Variants in GRIA4 observed in about 807,000 individuals in gnomAD.
The protein encoded by GRIA4 is glutamate ionotropic receptor AMPA type subunit 4, also known as glutamate receptor 4.
A neutral mutation model predicts 104.0 loss-of-function variants in GRIA4; 34 were observed. The observed-to-expected ratio is 0.33, with a 90% CI of 0.25 to 0.44. GRIA4 has a LOEUF of 0.44. Among genes scored for constraint, GRIA4 ranks in the 20% least tolerant of loss-of-function variants. The pLI is 1.00. For missense variants in GRIA4, 750 were observed against 1,096.5 expected (o/e 0.68, Z 4.46); for synonymous variants, 386 against 381.9 (o/e 1.01, Z -0.13).
chr11:105,849,526 G>C (rs1333124517), intron 4 of GRIA4, among the ~76,000 whole-genome samples: 1 of 152,188 alleles, frequency 6.6e-6, no homozygotes, highest in Non-Finnish European at 1.5e-5. Flanking sequence ...AATTGGAGTG[G>C]TCAATTTGGC....
At chr11:105,875,357 A>T (rs915676389) in intron 5 of GRIA4, among the ~76,000 whole-genome samples, 1 of 152,098 alleles carries the variant, frequency 6.6e-6, no homozygotes, top group Non-Finnish European at 1.5e-5. Flanking sequence ...TTCATCAGGG[A>T]TATTGGCCTG....
intron 4 of GRIA4, among the ~76,000 whole-genome samples, chr11:105,772,278 C>T (rs745765633): frequency 4.1e-4 from 63 of 152,242 alleles, no homozygotes; most frequent in Non-Finnish European, 7.9e-4. Flanking sequence ...GCTGGAAGTG[C>T]TCTCAAGAGG....
In GRIA4 at chr11:105,924,416, T is replaced by G; in HGVS notation, c.1494T>G (p.Ile498Met). The G allele has an allele frequency of 1.3e-6, 2 of 1,597,838 alleles. No individual in the cohort carries two copies. Among genetic ancestry groups the G allele is most frequent in the Non-Finnish European group, 1.7e-6 (2 of 1,169,258 alleles). Residue 498 changes from isoleucine (I) to methionine (M), a missense_variant, in exon 12 of 17, where the codon ATT (isoleucine) becomes ATG (methionine). Physicochemically the swap from Ile to Met is conservative, Grantham distance 10. Around this residue, in one of 3 missense-constraint regions of GRIA4, gnomAD observed 272 missense variants for 524.5 expected, o/e 0.52. Coordinates refer to ENST00000282499, the MANE Select transcript of GRIA4 (RefSeq NM_000829.4). ...ELVYGKAEIAIAPLTITLVRE... is the reference protein window; with the variant it reads ...ELVYGKAEIAMAPLTITLVRE... ...TCTTATAGAAAGCAGAGATTGCTAT[T>G]GCCCCTCTGACAATCACTTTGGTAC...
At chr11:105,861,702 T>C (rs557872384) in intron 4 of GRIA4, among the ~76,000 whole-genome samples, 34 of 152,294 alleles carry the variant, frequency 2.2e-4, no homozygotes, top group African/African-American at 7.5e-4. Flanking sequence ...GAAATTGCTA[T>C]TGACTACAGA....
rs1318702218 is a variant in GRIA4, at chr11:105,911,806, A to ATATATATATG, written c.1269+1264_1269+1265insATATATGTAT. On this transcript the variant is annotated intron_variant, in intron 10 of 16. Coordinates refer to ENST00000282499, the MANE Select transcript of GRIA4 (RefSeq NM_000829.4). ...TATATATATATATATATATATATAT[A>ATATATATATG]TATGTTTCTTTTCCTAAAAAAGACA... The ATATATATATG allele has an allele frequency of 1.5e-3, 425 of 285,598 alleles. 5 individuals carry two copies. Among genetic ancestry groups the ATATATATATG allele is most frequent in the East Asian group, 4.9e-3 (63 of 12,730 alleles). 17.7% of individuals were successfully genotyped at this position (285,598 alleles called of 1,614,324 possible). A position where few individuals can be genotyped will look rare whatever the true frequency, so the allele number is the denominator to read the frequency against.
chr11:105,644,657 G>T (rs1696700351), intron 3 of GRIA4, among the ~76,000 whole-genome samples: 1 of 151,968 alleles, frequency 6.6e-6, no homozygotes, highest in South Asian at 2.1e-4. Flanking sequence ...TATCTTTTTA[G>T]AAAATCAAAA....
intron 3 of GRIA4, among the ~76,000 whole-genome samples, chr11:105,639,586 C>A (rs2135343513): frequency 6.6e-6 from 1 of 151,990 alleles, no homozygotes; most frequent in Non-Finnish European, 1.5e-5. Flanking sequence ...CAAAATCATA[C>A]CCTGTACATT....
chr11:105,758,551 G>A (rs1312256683), intron 4 of GRIA4, among the ~76,000 whole-genome samples: 1 of 152,062 alleles, frequency 6.6e-6, no homozygotes, highest in Non-Finnish European at 1.5e-5. Flanking sequence ...TAGAGGAAAA[G>A]ATCTTTTTAA....
intron 5 of GRIA4, among the ~76,000 whole-genome samples, chr11:105,880,907 T>A (rs112679079): frequency 0.013 from 2,030 of 152,232 alleles, 56 homozygotes; most frequent in African/African-American, 0.046. Flanking sequence ...CCAACAAAAG[T>A]ATTTTTTTAC....
At chr11:105,771,676 A>C (rs1941213968) in intron 4 of GRIA4, among the ~76,000 whole-genome samples, 1 of 152,122 alleles carries the variant, frequency 6.6e-6, no homozygotes, top group South Asian at 2.1e-4. Context: ...TTTGCTTCAG[A>C]AAAGAAGTAC....
chr11:105,670,327 G>A (rs1473483467), intron 3 of GRIA4, among the ~76,000 whole-genome samples: 1 of 152,016 alleles, frequency 6.6e-6, no homozygotes, highest in Non-Finnish European at 1.5e-5. Flanking sequence ...TCATACATTT[G>A]TAGAACACTT....
Position 105,979,707 on chromosome 11 carries a change from G to A in GRIA4, c.2677G>A (p.Gly893Arg). The change falls in exon 17 of 17, where the codon GGA (glycine) becomes AGA (arginine). Residue 893 changes from glycine (G) to arginine (R), a missense_variant. By Grantham distance (125) the Gly-to-Arg change is moderately radical (BLOSUM62 -2). Around this residue, in one of 3 missense-constraint regions of GRIA4, gnomAD observed 68 missense variants for 69.3 expected, o/e 0.98. Transcript: ENST00000282499. ...HTGTAIRQSS[G>R]LAVIASDLP is the part of the protein sequence containing the mutation. ...TGGAACTGCAATCAGACAAAGTTCAGGATTGGCTGTCATTGCATCGGACCT... is the reference window on the plus strand; with the variant it reads ...TGGAACTGCAATCAGACAAAGTTCAAGATTGGCTGTCATTGCATCGGACCT... The A allele has an allele frequency of 6.2e-7, 1 of 1,614,060 alleles. No individual in the cohort carries two copies. Among genetic ancestry groups the A allele is most frequent in the Non-Finnish European group, 8.5e-7 (1 of 1,179,938 alleles).
At chr11:105,925,251 T>C (rs1947673251) in intron 12 of GRIA4, among the ~76,000 whole-genome samples, 1 of 152,120 alleles carries the variant, frequency 6.6e-6, no homozygotes, top group Non-Finnish European at 1.5e-5. Context: ...CAGATATACA[T>C]TGTTTTATAT....
At chr11:105,611,172 A>G (rs1950469373) in intron 2 of GRIA4, 87 bp downstream of exon 2, 1 of 920,490 alleles carries the variant, frequency 1.1e-6, no homozygotes, top group African/African-American at 1.6e-5. Context: ...TAAGCAATTC[A>G]GGGAAACCTT....
At chr11:105,710,859 A>G (rs902368913) in intron 3 of GRIA4, among the ~76,000 whole-genome samples, 3 of 152,182 alleles carry the variant, frequency 2.0e-5, no homozygotes, top group African/African-American at 7.2e-5. Flanking sequence ...GATGATATTT[A>G]GCAAATATTA....
intron 3 of GRIA4, among the ~76,000 whole-genome samples, chr11:105,719,580 G>A (rs1227587795): frequency 3.3e-5 from 5 of 152,110 alleles, no homozygotes; most frequent in Non-Finnish European, 7.4e-5. Context: ...TCAAAGCAGA[G>A]CTTGGTTTTT....
intron 5 of GRIA4, among the ~76,000 whole-genome samples, chr11:105,870,836 C>T (rs1173450433): frequency 1.8e-4 from 27 of 151,950 alleles, no homozygotes; most frequent in Admixed American, 1.2e-3. Context: ...ACATGATTGA[C>T]GTCGTGTTTT....
intron 5 of GRIA4, among the ~76,000 whole-genome samples, chr11:105,882,981 A>C: frequency 6.6e-6 from 1 of 152,148 alleles, no homozygotes; most frequent in East Asian, 1.9e-4. Context: ...CCTGGCATTC[A>C]CCTTATTAAT....
chr11:105,634,524 GA>G (rs1220760472), intron 3 of GRIA4, among the ~76,000 whole-genome samples: 11 of 41,318 alleles, frequency 2.7e-4, no homozygotes, highest in African/African-American at 5.5e-4. Context: ...AAGAAAGAAA[GA>G]AAGAAAAGAA....
Sources: gnomAD v4.1 joint callset for allele counts (sites outside exome capture counted in the v4.1 genomes callset) on GRCh38, gnomAD v4.1.1 for gene constraint, gnomAD v4.1.1 regional missense constraint, MANE v1.5 for transcripts, NCBI Gene and HGNC (gene_info 2026-07-23, HGNC 2026-07-21) for gene names.